Variants in GYS2 observed in about 807,000 individuals in gnomAD.
The protein encoded by GYS2 is glycogen synthase 2.
A neutral mutation model predicts 85.6 loss-of-function variants in GYS2; 80 were observed. That is an observed-to-expected ratio of 0.93 (90% confidence interval 0.78 to 1.13). The LOEUF is 1.13. Ranked by LOEUF, GYS2 falls within the 50% of genes most tolerant of loss-of-function variation. GYS2 has a pLI of 0.00. For missense variants in GYS2, 881 were observed against 854.9 expected (o/e 1.03, Z -0.38); for synonymous variants, 328 against 300.7 (o/e 1.09, Z -0.94).
chr12:21,585,218 G>A (rs904340888), intron 1 of GYS2, among the ~76,000 whole-genome samples: 4 of 152,264 alleles, frequency 2.6e-5, no homozygotes, highest in Non-Finnish European at 5.9e-5. Context: ...CTGGCTTAGA[G>A]GTCTTAGTTC....
intron 12 of GYS2, among the ~76,000 whole-genome samples, chr12:21,545,487 G>A (rs1326518769): frequency 7.9e-5 from 12 of 152,180 alleles, no homozygotes; most frequent in Admixed American, 7.2e-4. Flanking sequence ...TTTACATTGG[G>A]CAGAAAAATA....
chr12:21,565,813 A>AATGT (rs1565601816), intron 5 of GYS2, among the ~76,000 whole-genome samples: 4 of 150,674 alleles, frequency 2.7e-5, no homozygotes, highest in Non-Finnish European at 5.9e-5. Flanking sequence ...CAAGTAGAAG[A>AATGT]CAATGTTACC....
intron 11 of GYS2, among the ~76,000 whole-genome samples, chr12:21,556,999 T>C (rs1944188181): frequency 1.3e-5 from 2 of 152,284 alleles, no homozygotes; most frequent in East Asian, 1.9e-4. Flanking sequence ...GCAAGTTTCC[T>C]AAGAATGTGG....
chr12:21,569,517 T>C (rs1944361397), intron 4 of GYS2, among the ~76,000 whole-genome samples: 1 of 152,206 alleles, frequency 6.6e-6, no homozygotes, highest in African/African-American at 2.4e-5. Flanking sequence ...CCCTTTATAA[T>C]TGCAAAGAGT....
downstream of GYS2, among the ~76,000 whole-genome samples, chr12:21,534,362 C>T (rs892629875): frequency 6.6e-6 from 1 of 151,912 alleles, no homozygotes; most frequent in Non-Finnish European, 1.5e-5. Context: ...AAAGAAAATA[C>T]AAAAATTAGC....
chr12:21,580,206 G>A (rs1335255008), intron 2 of GYS2, 136 bp downstream of exon 2: 12 of 815,400 alleles, frequency 1.5e-5, no homozygotes, highest in Non-Finnish European at 2.3e-5. Flanking sequence ...TTAAAAGCAA[G>A]TTCATCATCT....
chr12:21,586,154 G>A (rs796303944), intron 1 of GYS2, among the ~76,000 whole-genome samples: 19 of 152,210 alleles, frequency 1.2e-4, no homozygotes, highest in African/African-American at 4.6e-4. Context: ...ATCTGGGTGG[G>A]CACCATCTAA....
chr12:21,542,600 G>A lies in GYS2; in HGVS notation c.1550-9C>T. ...CATCACAGTGCATTCAGCTGCCAGG[G>A]GAAATAGACCAAAGCTTGGCTTCAG... is the stretch of plus-strand genomic sequence containing the variant. On this transcript the variant is annotated splice_polypyrimidine_tract_variant and intron_variant, in intron 12 of 15. Transcript: ENST00000261195. 6.3e-7 allele frequency: 1 copy of A among 1,593,014 alleles called. No individual in the cohort carries two copies. The highest frequency in any genetic ancestry group is 1.3e-5 in the African/African-American group (1 of 74,572).
intron 15 of GYS2, 104 bp from the exon 16 acceptor site, chr12:21,537,279 T>G: frequency 1.3e-6 from 1 of 798,356 alleles, no homozygotes; most frequent in Non-Finnish European, 2.2e-6. Flanking sequence ...GTTATCTATC[T>G]TTTGTAGTCT....
chr12:21,549,351 A>G (rs1186384615), intron 11 of GYS2, among the ~76,000 whole-genome samples: 1 of 152,228 alleles, frequency 6.6e-6, no homozygotes, highest in Non-Finnish European at 1.5e-5. Flanking sequence ...GAGAATTCAT[A>G]TATTTTCAGA....
chr12:21,566,162 C>A (rs558843497), intron 5 of GYS2, among the ~76,000 whole-genome samples: 1 of 151,918 alleles, frequency 6.6e-6, no homozygotes, highest in South Asian at 2.1e-4. Context: ...TAAGCTTTTG[C>A]CAATTATTAT....
downstream of GYS2, chr12:21,532,967 T>G (rs1434557302): frequency 6.6e-6 from 1 of 152,184 alleles, no homozygotes; most frequent in Non-Finnish European, 1.5e-5. Context: ...ACTTTCCAAC[T>G]CTCTTATGGT....
At chr12:21,565,793 C>T (rs1027037516) in intron 5 of GYS2, among the ~76,000 whole-genome samples, 21 of 109,646 alleles carry the variant, frequency 1.9e-4, no homozygotes, top group Non-Finnish European at 4.0e-5. Context: ...TAATTTCTTG[C>T]TATTGTTCCC....
At chr12:21,550,314 A>AACACACACACACAC (rs10582787) in intron 11 of GYS2, among the ~76,000 whole-genome samples, 6 of 148,224 alleles carry the variant, frequency 4.0e-5, no homozygotes, top group Admixed American at 1.3e-4. Context: ...AGACAGAAAG[A>AACACACACACACAC]ACACACACAC....
intron 14 of GYS2, among the ~76,000 whole-genome samples, chr12:21,539,560 G>A (rs1219287612): frequency 6.6e-6 from 1 of 152,182 alleles, no homozygotes; most frequent in Non-Finnish European, 1.5e-5. Context: ...TGCTGGGGAA[G>A]AATGCCCATA....
intron 11 of GYS2, among the ~76,000 whole-genome samples, chr12:21,556,095 TC>T (rs1484590267): frequency 1.3e-5 from 2 of 152,234 alleles, no homozygotes; most frequent in Non-Finnish European, 2.9e-5. Flanking sequence ...CCCTGACTTT[TC>T]TTCCTCTAAT....
chr12:21,589,301 A>G (rs2136924350), intron 1 of GYS2, among the ~76,000 whole-genome samples: 2 of 152,362 alleles, frequency 1.3e-5, no homozygotes, highest in Middle Eastern at 3.4e-3. Flanking sequence ...AAATGAAAAG[A>G]AAAACATAGT....
intron 1 of GYS2, among the ~76,000 whole-genome samples, chr12:21,582,458 T>G (rs1055905129): frequency 2.8e-4 from 42 of 152,130 alleles, no homozygotes; most frequent in African/African-American, 9.7e-4. Context: ...GAACTCCAGG[T>G]TCTTCAGCTT....
intron 1 of GYS2, among the ~76,000 whole-genome samples, chr12:21,599,595 T>C (rs926175083): frequency 6.6e-5 from 10 of 152,198 alleles, no homozygotes; most frequent in African/African-American, 2.2e-4. Flanking sequence ...AGTTTTTACA[T>C]AGATCGTGTG....
Sources: gnomAD v4.1 joint callset for allele counts (sites outside exome capture counted in the v4.1 genomes callset) on GRCh38, gnomAD v4.1.1 for gene constraint, MANE v1.5 for transcripts, NCBI Gene and HGNC (gene_info 2026-07-23, HGNC 2026-07-21) for gene names.